The following IMPA1 variants were observed in gnomAD, a reference collection of about 807,000 sequenced individuals.
IMPA1 encodes the protein inositol monophosphatase 1.
A neutral mutation model predicts 34.9 loss-of-function variants in IMPA1; 21 were observed. The ratio of observed to expected loss-of-function variants is 0.60; its 90% confidence interval spans 0.43 to 0.87. The LOEUF (loss-of-function observed/expected upper bound fraction) is 0.87. Ranked by LOEUF, IMPA1 falls within the 40% of genes least tolerant of loss-of-function variation. IMPA1 has a pLI of 0.00. For missense variants in IMPA1, 299 were observed against 336.4 expected (o/e 0.89, Z 0.87); for synonymous variants, 95 against 104.4 (o/e 0.91, Z 0.55).
At chr8:81,661,592 A>G (rs1484641585) in intron 7 of IMPA1, among the ~76,000 whole-genome samples, 1 of 152,258 alleles carries the variant, frequency 6.6e-6, no homozygotes, top group Non-Finnish European at 1.5e-5. Flanking sequence ...CAAGGTGATA[A>G]AAGACAAAGA....
At chr8:81,679,908 G>A (rs1055407500) in intron 3 of IMPA1, among the ~76,000 whole-genome samples, 3 of 152,058 alleles carry the variant, frequency 2.0e-5, no homozygotes, top group Admixed American at 6.5e-5. Flanking sequence ...AGGCTGAGGC[G>A]GGCGGACCAT....
At position 81,659,372 on chromosome 8, in the gene IMPA1, C is replaced by A. The variant is rs1806599678; in HGVS notation, c.813G>T (p.Leu271Phe). 6.2e-7 allele frequency: 1 copy of A among 1,606,228 alleles called. No homozygotes were observed. The highest frequency in any genetic ancestry group is 8.5e-7 in the Non-Finnish European group (1 of 1,173,214). ...RIAKEIQVIPLQRDDED is the reference protein window; with the variant it reads ...RIAKEIQVIPFQRDDED ...TTAATTAATCTTCGTCGTCTCGTTG[C>A]AAAGGTATAACCTGAATTTCTTTAG... Residue 271 changes from leucine (L) to phenylalanine (F), a missense_variant, in exon 9 of 9, where the codon TTG becomes TTT. Coordinates refer to ENST00000256108, the MANE Select transcript of IMPA1 (RefSeq NM_005536.4).
rs1806594912 is a variant in IMPA1, at chr8:81,659,215, A to ATGTCT, written c.*135_*136insAGACA. 3.0e-6 allele frequency: 2 copies of ATGTCT among 658,540 alleles called. No homozygotes were observed. The highest frequency in any genetic ancestry group is 5.9e-5 in the Admixed American group (2 of 34,188). 40.8% of individuals were successfully genotyped at this position (658,540 alleles called of 1,614,324 possible). Reference sequence around the variant, plus strand: ...CTTGCAAACCTAGACATAGTAAAATAAGAAACAAGTTCCAAATTTTTGACC... The same window carrying ATGTCT: ...CTTGCAAACCTAGACATAGTAAAATATGTCTAGAAACAAGTTCCAAATTTTTGACC... On this transcript the variant is annotated 3_prime_UTR_variant, in exon 9 of 9. Transcript: ENST00000256108.
intron 1 of IMPA1, among the ~76,000 whole-genome samples, chr8:81,682,507 C>T (rs887339167): frequency 2.0e-5 from 3 of 152,146 alleles, no homozygotes; most frequent in East Asian, 3.8e-4. Flanking sequence ...AAGACCCACA[C>T]GCTAAATTTC....
At chr8:81,683,976 G>A (rs1056692871) in intron 1 of IMPA1, among the ~76,000 whole-genome samples, 3 of 151,918 alleles carry the variant, frequency 2.0e-5, no homozygotes, top group Admixed American at 6.6e-5. Context: ...GAGGTCTTAC[G>A]ATCTACAGTC....
Position 81,674,104 on chromosome 8 carries a change from C to A in IMPA1, c.349-155G>T, listed in dbSNP as rs1301235807. 7.0e-6 allele frequency: 4 copies of A among 570,020 alleles called. No individual in the cohort carries two copies. The East Asian group carries it at 1.1e-4, about 16-fold the overall frequency. 35.3% of individuals were successfully genotyped at this position (570,020 alleles called of 1,614,324 possible). ...TTAAAATGTTAATTTCCAGACTAAT[C>A]AAGAGAAAGAGGTCACCAGAACTGA... On this transcript the variant is annotated intron_variant, in intron 5 of 8. Coordinates refer to ENST00000256108, the MANE Select transcript of IMPA1 (RefSeq NM_005536.4).
intron 6 of IMPA1, 38 bp from the exon 7 acceptor site, chr8:81,671,085 T>C (rs750737947): frequency 1.0e-6 from 1 of 974,596 alleles, no homozygotes; most frequent in Non-Finnish European, 1.5e-6. Context: ...TTTAGACTTC[T>C]AGAAAATACC....
chr8:81,679,945 A>T (rs1029342350), intron 3 of IMPA1, among the ~76,000 whole-genome samples: 1 of 151,486 alleles, frequency 6.6e-6, no homozygotes, highest in Non-Finnish European at 1.5e-5. Context: ...CACCAGCCTG[A>T]CCAACATGGT....
At chr8:81,682,464 T>C (rs894603342) in intron 1 of IMPA1, among the ~76,000 whole-genome samples, 1 of 152,178 alleles carries the variant, frequency 6.6e-6, no homozygotes, top group African/African-American at 2.4e-5. Context: ...GCCCACATTA[T>C]AGGAAAGAGG....
intron 4 of IMPA1, among the ~76,000 whole-genome samples, chr8:81,676,494 C>G (rs140598773): frequency 1.4e-3 from 210 of 152,222 alleles, no homozygotes; most frequent in African/African-American, 4.7e-3. Context: ...CACCCTCCCC[C>G]CAACACACAG....
intron 1 of IMPA1, among the ~76,000 whole-genome samples, chr8:81,685,576 C>T (rs1807490237): frequency 1.4e-5 from 2 of 139,302 alleles, no homozygotes; most frequent in Admixed American, 1.5e-4. Flanking sequence ...TATAAGTATA[C>T]AGAAGTATAT....
In IMPA1 at chr8:81,685,257, A is replaced by AGTATATAT. The variant is rs1311844080; in HGVS notation, c.-25+994_-25+995insATATATAC. On this transcript the variant is annotated intron_variant, in intron 1 of 8. Coordinates refer to ENST00000256108, the MANE Select transcript of IMPA1 (RefSeq NM_005536.4). ...TTTAGATACTATATATACTATACAT[A>AGTATATAT]AGTATAGATACTATATATAGTATAT... 4.7e-4 allele frequency among the ~76,000 whole-genome samples: 36 copies of AGTATATAT among 76,272 alleles called. 2 individuals carry two copies. Among genetic ancestry groups the AGTATATAT allele is most frequent in the African/African-American group, 2.1e-3 (30 of 14,604 alleles). 50.0% of individuals were successfully genotyped at this position (76,272 alleles called of 152,430 possible). A position where few individuals can be genotyped will look rare whatever the true frequency, so the allele number is the denominator to read the frequency against.
chr8:81,677,416 C>T (rs1807162793), intron 4 of IMPA1, among the ~76,000 whole-genome samples: 1 of 152,090 alleles, frequency 6.6e-6, no homozygotes, highest in South Asian at 2.1e-4. Context: ...TTTCCTATGT[C>T]CTACACCGTG....
At chr8:81,672,440 C>T (rs1303152069) in intron 6 of IMPA1, among the ~76,000 whole-genome samples, 1 of 152,182 alleles carries the variant, frequency 6.6e-6, no homozygotes, top group South Asian at 2.1e-4. Flanking sequence ...GGGCTCTAGA[C>T]TCACTGATGC....
rs951191066 is a variant in IMPA1 at position 81,657,335 on chromosome 8, C to T, written c.*2016G>A. Among the ~76,000 whole-genome samples, 2 of 152,146 alleles carry T rather than the reference C, an allele frequency of 1.3e-5. No homozygotes were observed. Among genetic ancestry groups the T allele is most frequent in the Non-Finnish European group, 2.9e-5 (2 of 68,032 alleles). On this transcript the variant is annotated 3_prime_UTR_variant, in exon 9 of 9. Coordinates refer to ENST00000256108, the MANE Select transcript of IMPA1 (RefSeq NM_005536.4). The stretch of plus-strand genomic sequence containing the variant: ...GGTGCAATGGCTCACATCTGTAATC[C>T]CAGCACTTTAGAAGGCTGAGGCAGG...
At chr8:81,676,008 TTGTG>T (rs1332496733) in intron 5 of IMPA1, among the ~76,000 whole-genome samples, 4 of 152,378 alleles carry the variant, frequency 2.6e-5, no homozygotes, top group African/African-American at 9.6e-5. Context: ...TTTCAGTTAC[TTGTG>T]TGTATTTTCT....
intron 7 of IMPA1, among the ~76,000 whole-genome samples, chr8:81,667,999 A>AT (rs1294030707): frequency 6.6e-6 from 1 of 151,676 alleles, no homozygotes; most frequent in Non-Finnish European, 1.5e-5. Context: ...AATTTTTTGT[A>AT]TTTTTAGTAG....
intron 4 of IMPA1, among the ~76,000 whole-genome samples, chr8:81,677,188 C>T (rs766759947): frequency 1.3e-5 from 2 of 151,930 alleles, no homozygotes; most frequent in Non-Finnish European, 2.9e-5. Context: ...CTCCACTTCC[C>T]GGGTTCAAGT....
At chr8:81,664,208 G>A (rs1207836175) in intron 7 of IMPA1, among the ~76,000 whole-genome samples, 3 of 151,982 alleles carry the variant, frequency 2.0e-5, no homozygotes, top group African/African-American at 4.8e-5. Flanking sequence ...TCTGAGATTT[G>A]GAGAATAATA....
Sources: allele counts gnomAD v4.1 joint callset (sites outside exome capture counted in the v4.1 genomes callset), GRCh38; gene constraint gnomAD v4.1.1; transcripts MANE v1.5; gene names NCBI Gene and HGNC (gene_info 2026-07-23, HGNC 2026-07-21).